The following PID1 variants were observed in gnomAD, a reference collection of about 807,000 sequenced individuals.
PID1 encodes PTB-containing, cubilin and LRP1-interacting protein.
PID1 carries 10 observed loss-of-function variants against 19.1 expected under a neutral mutation model. The observed-to-expected ratio is 0.52, with a 90% CI of 0.32 to 0.89. The LOEUF (loss-of-function observed/expected upper bound fraction) is 0.89. PID1 is among the 40% of genes least tolerant of loss of function. PID1 has a pLI of 0.03. For synonymous variants in PID1, 130 were observed against 116.0 expected (o/e 1.12, Z -0.78); for missense variants, 248 against 285.3 (o/e 0.87, Z 0.94).
At chr2:229,028,745 G>C (rs558921939) in intron 2 of PID1, among the ~76,000 whole-genome samples, 1 of 152,280 alleles carries the variant, frequency 6.6e-6, no homozygotes, top group South Asian at 2.1e-4. Context: ...GCCACTGTCT[G>C]AAGTGAATTC....
intron 2 of PID1, among the ~76,000 whole-genome samples, chr2:229,145,774 A>G (rs1398861605): frequency 6.6e-6 from 1 of 152,326 alleles, no homozygotes; most frequent in East Asian, 1.9e-4. Flanking sequence ...ATAACAAACT[A>G]CTAATGTGAA....
chr2:229,176,230 C>T (rs1690820704), intron 1 of PID1, among the ~76,000 whole-genome samples: 1 of 151,936 alleles, frequency 6.6e-6, no homozygotes, highest in South Asian at 2.1e-4. Flanking sequence ...GATATGGAAA[C>T]TTGACTTCCC....
chr2:229,135,891 C>T (rs1462966244), intron 2 of PID1, among the ~76,000 whole-genome samples: 1 of 152,196 alleles, frequency 6.6e-6, no homozygotes, highest in Non-Finnish European at 1.5e-5. Context: ...GGTCTGAAAA[C>T]ATGGTCAGTA....
At chr2:229,165,884 A>AAT (rs1174421753) in intron 1 of PID1, among the ~76,000 whole-genome samples, 1 of 152,044 alleles carries the variant, frequency 6.6e-6, no homozygotes, top group African/African-American at 2.4e-5. Flanking sequence ...CCTAAAAAAA[A>AAT]GCAAACTACT....
intron 2 of PID1, among the ~76,000 whole-genome samples, chr2:229,131,509 G>A (rs1311805889): frequency 1.3e-5 from 2 of 152,236 alleles, no homozygotes; most frequent in East Asian, 1.9e-4. Context: ...GGGATTACAA[G>A]TGTGAGCCAC....
intron 2 of PID1, among the ~76,000 whole-genome samples, chr2:229,051,374 G>C (rs1693992379): frequency 6.6e-6 from 1 of 152,128 alleles, no homozygotes; most frequent in Admixed American, 6.5e-5. Flanking sequence ...GTCTTACTCT[G>C]TTGCCCCGGC....
intron 2 of PID1, among the ~76,000 whole-genome samples, chr2:229,152,324 T>C (rs1006221343): frequency 3.9e-5 from 6 of 152,206 alleles, no homozygotes; most frequent in African/African-American, 1.4e-4. Flanking sequence ...ATTCTGATAC[T>C]CACACAAGTT....
chr2:229,181,573 T>A (rs1690948149), intron 1 of PID1, among the ~76,000 whole-genome samples: 1 of 152,258 alleles, frequency 6.6e-6, no homozygotes, highest in African/African-American at 2.4e-5. Flanking sequence ...GAAATTACAC[T>A]GATCAGCCTT....
chr2:229,045,827 C>T (rs1027840592), intron 2 of PID1, among the ~76,000 whole-genome samples: 1 of 152,238 alleles, frequency 6.6e-6, no homozygotes, highest in Non-Finnish European at 1.5e-5. Context: ...ACTCCCACAG[C>T]CTTCTCTGTC....
At chr2:229,143,984 A>G (rs7592214) in intron 2 of PID1, among the ~76,000 whole-genome samples, 22,051 of 152,092 alleles carry the variant, frequency 0.14, 1,986 homozygotes, top group East Asian at 0.28. Flanking sequence ...CACATACAAA[A>G]GAATATTAAT....
intron 2 of PID1, among the ~76,000 whole-genome samples, chr2:229,088,810 C>T (rs16825679): frequency 0.23 from 34,456 of 151,968 alleles, 4,335 homozygotes; most frequent in African/African-American, 0.31. Flanking sequence ...AGCCGGTTCA[C>T]TACTTTCCAT....
chr2:229,105,846 G>C (rs1695166696), intron 2 of PID1, among the ~76,000 whole-genome samples: 1 of 152,194 alleles, frequency 6.6e-6, no homozygotes, highest in South Asian at 2.1e-4. Flanking sequence ...TTGGGAGGCT[G>C]AGGCAGGCAC....
At chr2:229,102,612 T>C (rs6760841) in intron 2 of PID1, among the ~76,000 whole-genome samples, 68,311 of 152,062 alleles carry the variant, frequency 0.45, 15,929 homozygotes, top group East Asian at 0.73. Flanking sequence ...TGCCTATAAC[T>C]TGGCAGGGAG....
intron 1 of PID1, among the ~76,000 whole-genome samples, chr2:229,262,455 T>A (rs1430425505): frequency 6.6e-6 from 1 of 152,168 alleles, no homozygotes; most frequent in South Asian, 2.1e-4. Flanking sequence ...ATTTTTTTTT[T>A]AATCCACAGT....
intron 2 of PID1, among the ~76,000 whole-genome samples, chr2:229,111,918 G>C (rs1026526533): frequency 3.9e-5 from 6 of 152,156 alleles, no homozygotes; most frequent in African/African-American, 1.4e-4. Flanking sequence ...ACATTCTAGA[G>C]GGTTTAGCAC....
chr2:229,117,936 C>A (rs1695441732), intron 2 of PID1, among the ~76,000 whole-genome samples: 1 of 152,090 alleles, frequency 6.6e-6, no homozygotes. Flanking sequence ...CCTTTTCTTT[C>A]AATCATTTAT....
At chr2:229,125,447 C>T (rs1415239907) in intron 2 of PID1, among the ~76,000 whole-genome samples, 1 of 151,562 alleles carries the variant, frequency 6.6e-6, no homozygotes, top group Non-Finnish European at 1.5e-5. Context: ...TCCTGTTCTT[C>T]CTCAACATAC....
intron 2 of PID1, among the ~76,000 whole-genome samples, chr2:229,082,783 C>T (rs1471784862): frequency 6.6e-6 from 1 of 152,146 alleles, no homozygotes; most frequent in African/African-American, 2.4e-5. Flanking sequence ...GAGAATACAG[C>T]TCAGCCAACA....
rs75039981 is a variant in PID1 at position 229,196,561 on chromosome 2, A to G, written c.31-40597T>C. On this transcript the variant is annotated intron_variant, in intron 1 of 2. Transcript: ENST00000392055. Reference sequence around the variant, plus strand: ...AATGTTTCTAAGTACATCAGTTACAACAATGCATGTAAATCAGTCAAATTA... The same window carrying G: ...AATGTTTCTAAGTACATCAGTTACAGCAATGCATGTAAATCAGTCAAATTA... Among the ~76,000 whole-genome samples, 15 of 152,236 alleles carry G rather than the reference A, an allele frequency of 9.9e-5. No individual in the cohort carries two copies. The East Asian group carries it at 2.9e-3, about 29-fold the overall frequency.
Sources: allele counts gnomAD v4.1 joint callset (sites outside exome capture counted in the v4.1 genomes callset), GRCh38; gene constraint gnomAD v4.1.1; transcripts MANE v1.5; gene names NCBI Gene and HGNC (gene_info 2026-07-23, HGNC 2026-07-21).